The following COPG2 variants were observed in gnomAD, a reference collection of about 807,000 sequenced individuals.
COPG2 encodes the protein coat protein complex I subunit gamma 2.
A neutral mutation model predicts 46.3 loss-of-function variants in COPG2; 37 were observed. The ratio of observed to expected loss-of-function variants is 0.80; its 90% confidence interval spans 0.61 to 1.05. The LOEUF (loss-of-function observed/expected upper bound fraction) is 1.05, where lower values mean the gene tolerates loss of function less well. COPG2 is among the 50% of genes least tolerant of loss of function. The pLI, the probability that COPG2 is intolerant of heterozygous loss-of-function variation, is 0.00. For synonymous variants in COPG2, 159 were observed against 129.7 expected, an observed-to-expected ratio of 1.23 and a Z score of -1.53; for missense variants, 427 against 387.8, an observed-to-expected ratio of 1.10 and a Z score of -0.85.
intron 20 of COPG2, among the ~76,000 whole-genome samples, chr7:130,545,357 AG>A (rs1199063155): frequency 2.0e-5 from 3 of 152,144 alleles, no homozygotes; most frequent in Non-Finnish European, 2.9e-5. Context: ...AATCAAACCA[AG>A]AATTTCTGTT....
At chr7:130,558,136 A>AT (rs1235114437) in intron 12 of COPG2, among the ~76,000 whole-genome samples, 17 of 151,300 alleles carry the variant, frequency 1.1e-4, no homozygotes, top group Non-Finnish European at 2.2e-4. Context: ...AATTAAAATA[A>AT]TTTTTTTTTA....
intron 20 of COPG2, chr7:130,509,356 G>GT (rs782645804): frequency 2.1e-6 from 1 of 479,732 alleles, no homozygotes; most frequent in Non-Finnish European, 4.2e-6. Flanking sequence ...AGTAAAGACA[G>GT]TATTTTCTGA....
At chr7:130,647,161 T>C (rs1164885312) in intron 5 of COPG2, among the ~76,000 whole-genome samples, 8 of 151,824 alleles carry the variant, frequency 5.3e-5, no homozygotes, top group Admixed American at 5.3e-4. Flanking sequence ...CTGTCACAGC[T>C]TCCTGAGTAG....
chr7:130,635,639 CTT>C (rs1429502830), intron 5 of COPG2, among the ~76,000 whole-genome samples: 20 of 152,120 alleles, frequency 1.3e-4, no homozygotes, highest in African/African-American at 4.6e-4. Context: ...TTTTGCTAAT[CTT>C]TTCAAAAAAC....
At chr7:130,555,227 G>A in intron 12 of COPG2, 95 bp from the exon 13 acceptor site, 1 of 389,710 alleles carries the variant, frequency 2.6e-6, no homozygotes, top group Non-Finnish European at 4.5e-6. Flanking sequence ...TTATAATTAT[G>A]GCTACTAAAC....
chr7:130,630,944 C>T (rs748872216), intron 5 of COPG2, among the ~76,000 whole-genome samples: 18 of 151,984 alleles, frequency 1.2e-4, no homozygotes, highest in East Asian at 1.2e-3. Context: ...TTGGGAGGAC[C>T]GCTTGAGCCC....
intron 5 of COPG2, among the ~76,000 whole-genome samples, chr7:130,650,686 G>C (rs1355409111): frequency 6.6e-6 from 1 of 152,094 alleles, no homozygotes; most frequent in African/African-American, 2.4e-5. Context: ...CCTAAGGATA[G>C]TCATATAACA....
At chr7:130,666,503 GC>G (rs1796080858) in intron 3 of COPG2, among the ~76,000 whole-genome samples, 1 of 152,122 alleles carries the variant, frequency 6.6e-6, no homozygotes, top group Admixed American at 6.5e-5. Flanking sequence ...TTTTTTGAGT[GC>G]CAATATAACA....
intron 5 of COPG2, among the ~76,000 whole-genome samples, chr7:130,623,573 C>T (rs1403877947): frequency 2.0e-5 from 3 of 152,164 alleles, no homozygotes; most frequent in African/African-American, 4.8e-5. Context: ...ATATTTTCCA[C>T]GTGAACTTTA....
chr7:130,549,170 C>A (rs1290772604), intron 18 of COPG2, 144 bp downstream of exon 18: 1 of 396,410 alleles, frequency 2.5e-6, no homozygotes, highest in Non-Finnish European at 4.4e-6. Flanking sequence ...CTCCAGGTAG[C>A]CTCAGCAACT....
At chr7:130,590,691 T>G (rs1420106744) in intron 9 of COPG2, among the ~76,000 whole-genome samples, 1 of 151,820 alleles carries the variant, frequency 6.6e-6, no homozygotes, top group African/African-American at 2.4e-5. Flanking sequence ...GTCTGGGAAG[T>G]GAGGAGCGTC....
chr7:130,618,780 C>T (rs1794991172), intron 5 of COPG2, among the ~76,000 whole-genome samples: 1 of 152,056 alleles, frequency 6.6e-6, no homozygotes, highest in Admixed American at 6.5e-5. Flanking sequence ...GGCTTATGTA[C>T]TTTGGTGTTA....
intron 20 of COPG2, among the ~76,000 whole-genome samples, chr7:130,513,290 TAAAAAAAA>T (rs1205677638): frequency 4.9e-5 from 1 of 20,292 alleles, no homozygotes; most frequent in African/African-American, 1.1e-4. Context: ...TAATTCTGTC[TAAAAAAAA>T]AAAAAAAAAA....
intron 20 of COPG2, among the ~76,000 whole-genome samples, chr7:130,538,279 G>A (rs1799903772): frequency 6.6e-6 from 1 of 152,118 alleles, no homozygotes; most frequent in African/African-American, 2.4e-5. Flanking sequence ...CATTGGAGTG[G>A]AGCAGCCACA....
chr7:130,523,155 G>C (rs1000746185), intron 20 of COPG2, among the ~76,000 whole-genome samples: 8 of 148,850 alleles, frequency 5.4e-5, no homozygotes, highest in Non-Finnish European at 1.2e-4. Context: ...GGCCTCAAAC[G>C]GGAGACTGAA....
At chr7:130,609,432 T>C (rs184332652) in intron 9 of COPG2, among the ~76,000 whole-genome samples, 47 of 152,318 alleles carry the variant, frequency 3.1e-4, no homozygotes, top group Non-Finnish European at 4.1e-4. Context: ...ACGTGACTTG[T>C]TCCTCCTTGC....
intron 11 of COPG2, among the ~76,000 whole-genome samples, chr7:130,562,590 T>G (rs1176890575): frequency 2.6e-5 from 4 of 152,166 alleles, no homozygotes; most frequent in East Asian, 3.8e-4. Flanking sequence ...TCTAATAACA[T>G]AGCCAACAGC....
chr7:130,667,495 G>C lies in COPG2; in HGVS notation c.77C>G (p.Ala26Gly). 2 of 1,613,390 alleles carry C rather than the reference G, an allele frequency of 1.2e-6. No individual in the cohort carries two copies. Among genetic ancestry groups the C allele is most frequent in the Non-Finnish European group, 1.7e-6 (2 of 1,179,512 alleles). ...SNPFQHLEKSAVLQEARIFNE... is the reference protein window; with the variant it reads ...SNPFQHLEKSGVLQEARIFNE... ...TCCCAGTCATACCTCCTGTAAAACA[G>C]CACTCTTCTCCAGATGCTGGAAAGG... Residue 26 changes from alanine (A) to glycine (G), a missense_variant, in exon 2 of 24, where the codon GCT (alanine) becomes GGT (glycine). By Grantham distance (60) the Ala-to-Gly change is moderately conservative. Transcript: ENST00000425248.
chr7:130,621,848 G>A (rs563640323), intron 5 of COPG2, among the ~76,000 whole-genome samples: 13 of 151,004 alleles, frequency 8.6e-5, no homozygotes, highest in Non-Finnish European at 1.2e-4. Flanking sequence ...GGAGGCTGAG[G>A]TGGGAGAGTC....
Sources: allele counts gnomAD v4.1 joint callset (sites outside exome capture counted in the v4.1 genomes callset), GRCh38; gene constraint gnomAD v4.1.1; transcripts MANE v1.5; gene names NCBI Gene and HGNC (gene_info 2026-07-23, HGNC 2026-07-21).